Variants in FLAD1 observed in about 807,000 individuals in gnomAD.
FLAD1 encodes bifunctional FAD diphosphatase/FAD synthase.
A neutral mutation model predicts 55.0 loss-of-function variants in FLAD1; 35 were observed. That is an observed-to-expected ratio of 0.64 (90% confidence interval 0.49 to 0.84). The LOEUF (loss-of-function observed/expected upper bound fraction) is 0.84, where lower values mean the gene tolerates loss of function less well. FLAD1 is among the 40% of genes least tolerant of loss of function. FLAD1 has a pLI of 0.00. For synonymous variants in FLAD1, 267 were observed against 303.0 expected (o/e 0.88, Z 1.23); for missense variants, 665 against 742.6 (o/e 0.90, Z 1.21).
chr1:154,984,397 G>A (rs896888531), intron 1 of FLAD1, among the ~76,000 whole-genome samples: 2 of 152,126 alleles, frequency 1.3e-5, no homozygotes, highest in African/African-American at 4.8e-5. Flanking sequence ...GAGTAGAGGA[G>A]GTACAGGTGT....
chr1:154,986,704 C>CTTTTTTTTT (rs776649473), intron 1 of FLAD1, among the ~76,000 whole-genome samples: 1 of 91,700 alleles, frequency 1.1e-5, no homozygotes, highest in African/African-American at 5.0e-5. Context: ...GCCCCCCACC[C>CTTTTTTTTT]TTTTTTTTTT....
Position 154,992,767 on chromosome 1 carries a change from T to C in FLAD1, c.1609T>C (p.Cys537Arg). ...DFLRQLFVPY[C>R]ILYDRGYTSL... ...TCTGCGTCAGCTGTTTGTCCCATAC[T>C]GTATCCTGTATGACCGAGGGTAAGG... Residue 537 changes from cysteine (C) to arginine (R), a missense_variant, in exon 6 of 7, where the codon TGT becomes CGT. Cys to Arg is a radical substitution (Grantham distance 180). Transcript: ENST00000292180. 1 of 1,614,190 alleles carries C rather than the reference T, an allele frequency of 6.2e-7. No homozygotes were observed. Among genetic ancestry groups the C allele is most frequent in the Non-Finnish European group, 8.5e-7 (1 of 1,180,026 alleles).
chr1:154,988,828 G>A lies in FLAD1; in HGVS notation c.1096G>A (p.Val366Ile), dbSNP rs1475232561. Residue 366 changes from valine (V) to isoleucine (I), a missense_variant, in exon 2 of 7, where the codon GTA becomes ATA. By Grantham distance (29) the Val-to-Ile change is conservative. Transcript: ENST00000292180. ...CGCTGTGGAGCAGGCCAGTGAGGCT[G>A]TATACAAACTCGCTGAATCAGGTAG... ...PNAVEQASEA[V>I]YKLAESGSSL... 6.2e-7 allele frequency: 1 copy of A among 1,614,218 alleles called. No individual in the cohort carries two copies. Among genetic ancestry groups the A allele is most frequent in the South Asian group, 1.1e-5 (1 of 91,088 alleles).
intron 1 of FLAD1, among the ~76,000 whole-genome samples, chr1:154,985,716 ATTTTT>A (rs34387427): frequency 1.3e-5 from 1 of 75,490 alleles, no homozygotes; most frequent in African/African-American, 5.4e-5. Context: ...CCTGACCCCA[ATTTTT>A]TTTTTTTTTT....
chr1:154,989,827 T>C (rs559714027), intron 3 of FLAD1, 120 bp downstream of exon 3: 5 of 1,091,732 alleles, frequency 4.6e-6, no homozygotes, highest in East Asian at 4.9e-5. Flanking sequence ...TGGTGACCTC[T>C]CAGTTCCATT....
chr1:154,991,308 A>G (rs1222293317), intron 5 of FLAD1: 1 of 150,564 alleles, frequency 6.6e-6, no homozygotes, highest in Admixed American at 6.6e-5. Context: ...TAATCCCTGC[A>G]CTTTGGGAGG....
Position 154,993,012 on chromosome 1 carries a change from A to G in FLAD1, c.1739A>G (p.Glu580Gly). ...YRPAYLLENEEEERNSRT is the reference protein window; with the variant it reads ...YRPAYLLENEGEERNSRT Reference sequence around the variant, plus strand: ...CCAGCCTATCTACTGGAGAACGAAGAAGAGGAGCGGAACTCCCGCACATGA... The same window carrying G: ...CCAGCCTATCTACTGGAGAACGAAGGAGAGGAGCGGAACTCCCGCACATGA... Residue 580 changes from glutamate to glycine, a missense_variant, in exon 7 of 7, where the codon GAA becomes GGA. Transcript: ENST00000292180. 6.2e-7 allele frequency: 1 copy of G among 1,614,068 alleles called. No individual in the cohort carries two copies. Among genetic ancestry groups the G allele is most frequent in the Non-Finnish European group, 8.5e-7 (1 of 1,179,974 alleles).
chr1:154,988,766 G>A lies in FLAD1; in HGVS notation c.1034G>A (p.Arg345His), dbSNP rs554142608. 13 of 1,614,166 alleles carry A rather than the reference G, an allele frequency of 8.1e-6. No homozygotes were observed. Among genetic ancestry groups the A allele is most frequent in the East Asian group, 2.2e-5 (1 of 44,880 alleles). The change falls in exon 2 of 7, where the codon CGT (arginine) becomes CAT (histidine). Residue 345 changes from arginine to histidine, a missense_variant. Arg to His is a conservative substitution (Grantham distance 29, BLOSUM62 0). Coordinates refer to ENST00000292180, the MANE Select transcript of FLAD1 (RefSeq NM_025207.5). ...GAATGCTTGGCCTACCTGACTGCCC[G>A]TTTGCCCCAGGGATCGCTGGTCCCC... ...LEECLAYLTA[R>H]LPQGSLVPYM...
chr1:154,986,240 G>A (rs963115049), intron 1 of FLAD1, among the ~76,000 whole-genome samples: 14 of 150,534 alleles, frequency 9.3e-5, no homozygotes, highest in Non-Finnish European at 1.8e-4. Context: ...GTTTTGAGAC[G>A]GAGTCTCGCT....
At position 154,988,734 on chromosome 1, in the gene FLAD1, C is replaced by T. The variant is rs770776511; in HGVS notation, c.1002C>T (p.Pro334=). 9 of 1,614,204 alleles carry T rather than the reference C, an allele frequency of 5.6e-6. No homozygotes were observed. Among genetic ancestry groups the T allele is most frequent in the Non-Finnish European group, 7.6e-6 (9 of 1,180,040 alleles). The change falls in exon 2 of 7, where the codon CCC becomes CCT. Residue 334 remains proline, a synonymous_variant. Coordinates refer to ENST00000292180, the MANE Select transcript of FLAD1 (RefSeq NM_025207.5). ...KLTLDSEEEG[P]LEECLAYLTA... ...CTCTAGACTCAGAGGAAGAAGGACC[C>T]CTGGAGGAATGCTTGGCCTACCTGA...
intron 1 of FLAD1, 55 bp from the exon 2 acceptor site, chr1:154,988,050 C>T: frequency 6.2e-7 from 1 of 1,613,486 alleles, no homozygotes; most frequent in Non-Finnish European, 8.5e-7. Flanking sequence ...CATCTTCAAC[C>T]CCTCCCCTTC....
In FLAD1 at chr1:154,989,647, G is replaced by C. The variant is rs148102813; in HGVS notation, c.1205G>C (p.Gly402Ala). 10 of 1,599,106 alleles carry C rather than the reference G, an allele frequency of 6.3e-6. No individual in the cohort carries two copies. The highest frequency in any genetic ancestry group is 1.3e-5 in the African/African-American group (1 of 74,338). ...AQYSLTQLCV[G>A]FNGGKDCTAL... ...TACAGCCTCACCCAGCTCTGTGTGGGCTTCAACGGGGGCAAAGACTGCACT... is the reference window on the plus strand; with the variant it reads ...TACAGCCTCACCCAGCTCTGTGTGGCCTTCAACGGGGGCAAAGACTGCACT... The change falls in exon 3 of 7, where the codon GGC becomes GCC. Residue 402 changes from glycine to alanine, a missense_variant. Coordinates refer to ENST00000292180, the MANE Select transcript of FLAD1 (RefSeq NM_025207.5).
intron 2 of FLAD1, 41 bp downstream of exon 2, chr1:154,988,890 T>C: frequency 6.2e-7 from 1 of 1,611,598 alleles, no homozygotes; most frequent in Non-Finnish European, 8.5e-7. Context: ...CCCAAAGCCA[T>C]TGGTGGCACC....
At chr1:154,984,509 C>T (rs11590058) in intron 1 of FLAD1, among the ~76,000 whole-genome samples, 6,969 of 151,742 alleles carry the variant, frequency 0.046, 218 homozygotes, top group Middle Eastern at 0.095. Flanking sequence ...TTCAGGAGTT[C>T]GAGACCAGCC....
chr1:154,987,631 A>G, intron 1 of FLAD1: 1 of 196,296 alleles, frequency 5.1e-6, no homozygotes. Context: ...GCTTGGTGGC[A>G]GTGGGGACAG....
Position 154,990,204 on chromosome 1 carries a change from C to T in FLAD1, c.1311C>T (p.Arg437=). Reference sequence around the variant, plus strand: ...ACCCCCTCCAGATCCTGTATATCCGCAGCATCTCCCCTTTCCCTGAGCTGG... The same window carrying T: ...ACCCCCTCCAGATCCTGTATATCCGTAGCATCTCCCCTTTCCCTGAGCTGG... ...VPNPLQILYI[R]SISPFPELEQ... The change falls in exon 4 of 7, where the codon CGC becomes CGT. Residue 437 remains arginine, a synonymous_variant. Transcript: ENST00000292180. 6.2e-7 allele frequency: 1 copy of T among 1,614,188 alleles called. No homozygotes were observed. The highest frequency in any genetic ancestry group is 8.5e-7 in the Non-Finnish European group (1 of 1,180,014).
chr1:154,984,202 C>A, intron 1 of FLAD1, 136 bp downstream of exon 1: 1 of 694,750 alleles, frequency 1.4e-6, no homozygotes. Context: ...GTGAATCCAG[C>A]ATATTGGAGG....
At position 154,985,031 on chromosome 1, in the gene FLAD1, ATTTTTTTTTTTTTTTTT is replaced by A. The variant is rs749772991; in HGVS notation, c.372+982_372+998del. On this transcript the variant is annotated intron_variant, in intron 1 of 6. Coordinates refer to ENST00000292180, the MANE Select transcript of FLAD1 (RefSeq NM_025207.5). ...AGGTGTTAGCCGCCACACCTGGCTA[ATTTTTTTTTTTTTTTTT>A]TTTTTTTTTTTTTTTTCAGAAACGG... Among the ~76,000 whole-genome samples, 23 of 32,592 alleles carry A rather than the reference ATTTTTTTTTTTTTTTTT, an allele frequency of 7.1e-4. 1 individual carries two copies. In the South Asian group the frequency reaches 0.017, roughly 24 times the overall value. 21.4% of individuals were successfully genotyped at this position (32,592 alleles called of 152,430 possible). A position where few individuals can be genotyped will look rare whatever the true frequency, so the allele number is the denominator to read the frequency against.
chr1:154,990,574 C>T (rs749521311), intron 5 of FLAD1, 46 bp downstream of exon 5: 6 of 1,518,050 alleles, frequency 4.0e-6, no homozygotes, highest in African/African-American at 1.4e-5. Flanking sequence ...CGTGCCCCAG[C>T]AGTCACTGCA....
Sources: gnomAD v4.1 joint callset for allele counts (sites outside exome capture counted in the v4.1 genomes callset) on GRCh38, gnomAD v4.1.1 for gene constraint, MANE v1.5 for transcripts, NCBI Gene and HGNC (gene_info 2026-07-23, HGNC 2026-07-21) for gene names.